ADAMTSL1: variants seen among roughly 807,000 people sequenced by gnomAD.
The protein encoded by ADAMTSL1 is ADAMTS-like protein 1.
In ADAMTSL1, 126 loss-of-function variants were observed where a neutral mutation model predicts 201.8. The ratio of observed to expected loss-of-function variants is 0.62; its 90% CI spans 0.54 to 0.72. The LOEUF is 0.72. ADAMTSL1 is among the 30% of genes least tolerant of loss of function. The pLI, the probability that ADAMTSL1 is intolerant of heterozygous loss-of-function variation, is 0.00. For missense variants in ADAMTSL1, 2,679 were observed against 2,277.8 expected (o/e 1.18, Z -3.59); for synonymous variants, 1,121 against 903.4 (o/e 1.24, Z -4.32).
rs778557505 is a variant in ADAMTSL1 at position 18,574,282 on chromosome 9, T to C, written c.474+16T>C. 3.1e-6 allele frequency: 5 copies of C among 1,603,854 alleles called. No individual in the cohort carries two copies. The highest frequency in any genetic ancestry group is 1.3e-5 in the African/African-American group (1 of 74,770). On this transcript the variant is annotated intron_variant, in intron 4 of 28. Transcript: ENST00000380548. Reference sequence around the variant, plus strand: ...TTTATGCCAAGTAAGTGCTGATTTGTTCTCATTCAACTTGTCCAGAGGGTT... The same window carrying C: ...TTTATGCCAAGTAAGTGCTGATTTGCTCTCATTCAACTTGTCCAGAGGGTT...
chr9:18,058,010 G>A (rs1392670615), intron 1 of ADAMTSL1, among the ~76,000 whole-genome samples: 1 of 152,162 alleles, frequency 6.6e-6, no homozygotes, highest in Non-Finnish European at 1.5e-5. Flanking sequence ...GCAGGGAAGG[G>A]TAAATCTGCT....
chr9:18,727,608 C>A (rs1817968003), intron 15 of ADAMTSL1, among the ~76,000 whole-genome samples: 1 of 152,174 alleles, frequency 6.6e-6, no homozygotes, highest in African/African-American at 2.4e-5. Context: ...CACAAATGTC[C>A]CCAGCAGCAT....
intron 2 of ADAMTSL1, among the ~76,000 whole-genome samples, chr9:18,273,270 G>A (rs35622845): frequency 0.058 from 8,781 of 152,150 alleles, 315 homozygotes; most frequent in Non-Finnish European, 0.079. Flanking sequence ...CAGTAGAGAC[G>A]GAGTTTCACC....
intron 2 of ADAMTSL1, among the ~76,000 whole-genome samples, chr9:18,354,950 G>A (rs925207334): frequency 2.6e-5 from 4 of 152,082 alleles, no homozygotes; most frequent in Admixed American, 2.0e-4. Flanking sequence ...CAGCCTGGGC[G>A]ACAAAGCAAG....
intron 13 of ADAMTSL1, among the ~76,000 whole-genome samples, chr9:18,701,565 C>G (rs1347536820): frequency 1.3e-5 from 2 of 152,180 alleles, no homozygotes; most frequent in African/African-American, 4.8e-5. Flanking sequence ...ATTCCCTTCT[C>G]TTTTCTCACC....
intron 2 of ADAMTSL1, among the ~76,000 whole-genome samples, chr9:18,426,464 A>G (rs1819227790): frequency 6.6e-6 from 1 of 152,196 alleles, no homozygotes; most frequent in Non-Finnish European, 1.5e-5. Context: ...ATTAATCTGC[A>G]TTTGGGACTT....
intron 13 of ADAMTSL1, among the ~76,000 whole-genome samples, chr9:18,694,798 CTG>C (rs1831451960): frequency 6.6e-6 from 1 of 152,210 alleles, no homozygotes; most frequent in Non-Finnish European, 1.5e-5. Context: ...AGTTGAGACT[CTG>C]TGTGGGGCCT....
chr9:17,931,258 C>T (rs929010015), intron 1 of ADAMTSL1, among the ~76,000 whole-genome samples: 3 of 152,116 alleles, frequency 2.0e-5, no homozygotes, highest in Admixed American at 6.6e-5. Flanking sequence ...GAAATTCGAG[C>T]CCGGGTGCTG....
chr9:18,891,613 T>C (rs1169128617), intron 25 of ADAMTSL1, among the ~76,000 whole-genome samples: 3 of 152,220 alleles, frequency 2.0e-5, no homozygotes, highest in Non-Finnish European at 2.9e-5. Flanking sequence ...ATTTCTACCA[T>C]GTATGCAGCC....
At chr9:18,099,353 ATATTTTTTT>A (rs1441437188) in intron 1 of ADAMTSL1, among the ~76,000 whole-genome samples, 47 of 45,852 alleles carry the variant, frequency 1.0e-3, no homozygotes, top group African/African-American at 4.2e-3. Context: ...ATATATATAT[ATATTTTTTT>A]TTTTTTTTTT....
intron 1 of ADAMTSL1, among the ~76,000 whole-genome samples, chr9:17,917,355 G>C (rs1826136558): frequency 6.6e-6 from 1 of 151,972 alleles, no homozygotes; most frequent in African/African-American, 2.4e-5. Context: ...TTAGGTGTGG[G>C]CTTTTTTGTA....
intron 2 of ADAMTSL1, among the ~76,000 whole-genome samples, chr9:18,516,426 A>T (rs892206960): frequency 3.9e-5 from 6 of 152,188 alleles, no homozygotes; most frequent in Admixed American, 6.5e-5. Flanking sequence ...CTAATATACC[A>T]ACCTCAAATA....
intron 1 of ADAMTSL1, among the ~76,000 whole-genome samples, chr9:18,036,558 C>T (rs1051396423): frequency 6.6e-6 from 1 of 152,134 alleles, no homozygotes; most frequent in Non-Finnish European, 1.5e-5. Context: ...TTAGCTAATA[C>T]CTTGTTGTTT....
At chr9:18,152,395 A>G (rs959389455) in intron 1 of ADAMTSL1, among the ~76,000 whole-genome samples, 6 of 152,086 alleles carry the variant, frequency 3.9e-5, no homozygotes, top group African/African-American at 9.7e-5. Context: ...AACACGCCAC[A>G]TAAGAGCCAT....
intron 4 of ADAMTSL1, among the ~76,000 whole-genome samples, chr9:18,584,477 T>C (rs1360566533): frequency 6.6e-6 from 1 of 152,188 alleles, no homozygotes; most frequent in Non-Finnish European, 1.5e-5. Flanking sequence ...AATACATCGC[T>C]GAAAGTTCTA....
chr9:18,023,240 A>G (rs1820555099), intron 1 of ADAMTSL1, among the ~76,000 whole-genome samples: 1 of 152,056 alleles, frequency 6.6e-6, no homozygotes, highest in African/African-American at 2.4e-5. Flanking sequence ...TTCTTAAAAC[A>G]CAGATTGCTG....
chr9:18,783,734 G>A (rs1476343330), intron 19 of ADAMTSL1, among the ~76,000 whole-genome samples: 1 of 151,996 alleles, frequency 6.6e-6, no homozygotes, highest in East Asian at 1.9e-4. Flanking sequence ...GCATGTAAAG[G>A]GTTATTAAAA....
chr9:18,397,302 G>A (rs1047877041), intron 2 of ADAMTSL1, among the ~76,000 whole-genome samples: 2 of 152,142 alleles, frequency 1.3e-5, no homozygotes, highest in African/African-American at 2.4e-5. Flanking sequence ...CTGCCTCGTG[G>A]TATAATTCTT....
intron 2 of ADAMTSL1, among the ~76,000 whole-genome samples, chr9:18,513,021 A>G (rs1305333025): frequency 6.6e-6 from 1 of 152,234 alleles, no homozygotes; most frequent in Non-Finnish European, 1.5e-5. Context: ...AACCAATTCT[A>G]CTTTTGCAGA....
Sources: gnomAD v4.1 joint callset for allele counts (sites outside exome capture counted in the v4.1 genomes callset) on GRCh38, gnomAD v4.1.1 for gene constraint, MANE v1.5 for transcripts, NCBI Gene and HGNC (gene_info 2026-07-23, HGNC 2026-07-21) for gene names.